Variants in LPCAT2 observed in about 807,000 individuals in gnomAD.
The protein encoded by LPCAT2 is lysophosphatidylcholine acyltransferase 2.
A neutral mutation model predicts 64.7 loss-of-function variants in LPCAT2; 58 were observed. That is an observed-to-expected ratio of 0.90 (90% CI 0.73 to 1.12). The LOEUF is 1.12. Among genes scored for constraint, LPCAT2 ranks in the 50% most tolerant of loss-of-function variants. The probability of loss-of-function intolerance (pLI) is 0.00; values close to 1 mark genes in which losing one functional copy is unlikely to be tolerated. For missense variants in LPCAT2, 579 were observed against 669.8 expected (o/e 0.86, Z 1.50); for synonymous variants, 252 against 245.3 (o/e 1.03, Z -0.26).
At chr16:55,578,330 A>C (rs1963850946) in intron 12 of LPCAT2, among the ~76,000 whole-genome samples, 1 of 152,190 alleles carries the variant, frequency 6.6e-6, no homozygotes, top group Admixed American at 6.6e-5. Flanking sequence ...ATTCAAATTT[A>C]ACCTATCTAG....
At chr16:55,571,607 G>A (rs1225703614) in intron 11 of LPCAT2, among the ~76,000 whole-genome samples, 3 of 152,122 alleles carry the variant, frequency 2.0e-5, no homozygotes, top group Non-Finnish European at 2.9e-5. Flanking sequence ...ATGTGGCCCT[G>A]AAATATCTTC....
intron 8 of LPCAT2, among the ~76,000 whole-genome samples, chr16:55,542,222 G>T (rs1455192500): frequency 1.3e-5 from 2 of 152,080 alleles, no homozygotes; most frequent in East Asian, 1.9e-4. Context: ...GGAAGTGGGG[G>T]ACTCTGGGAC....
At position 55,509,342 on chromosome 16, in the gene LPCAT2, G is replaced by A; in HGVS notation, c.161G>A (p.Arg54Lys). ...CAGCAGACGCAGATCGGCTCCGCGA[G>A]GCGGGTCCAGGTGAGGGGCGTGGGT... ...FVQQTQIGSA[R>K]RVQIVLLGII... is the part of the protein sequence containing the mutation. The change falls in exon 1 of 14, where the codon AGG becomes AAG. Residue 54 changes from arginine (R) to lysine (K), a missense_variant. Physicochemically the swap from Arg to Lys is conservative, Grantham distance 26. Coordinates refer to ENST00000262134, the MANE Select transcript of LPCAT2 (RefSeq NM_017839.5). 6.9e-7 allele frequency: 1 copy of A among 1,445,474 alleles called. No homozygotes were observed. Among genetic ancestry groups the A allele is most frequent in the South Asian group, 1.5e-5 (1 of 67,948 alleles). The allele number at this position is 1,445,474 out of a possible 1,614,324, so 89.5% of individuals were successfully genotyped here.
chr16:55,549,524 A>C (rs1299461332), intron 10 of LPCAT2, 122 bp downstream of exon 10: 6 of 978,750 alleles, frequency 6.1e-6, no homozygotes, highest in Non-Finnish European at 8.7e-6. Flanking sequence ...TATATTAGGA[A>C]AGTCAGAGTT....
intron 11 of LPCAT2, among the ~76,000 whole-genome samples, chr16:55,574,256 T>G (rs1458635063): frequency 1.3e-5 from 2 of 152,150 alleles, no homozygotes; most frequent in African/African-American, 4.8e-5. Flanking sequence ...GGTGTTGGTC[T>G]TTATGGCAGG....
chr16:55,525,712 T>A (rs1266884413), intron 2 of LPCAT2, 65 bp downstream of exon 2: 2 of 1,246,916 alleles, frequency 1.6e-6, no homozygotes, highest in African/African-American at 1.6e-5. Flanking sequence ...TAAATCAATA[T>A]AAGAAGAGTT....
intron 1 of LPCAT2, among the ~76,000 whole-genome samples, chr16:55,516,862 A>G (rs1963019792): frequency 6.6e-6 from 1 of 152,234 alleles, no homozygotes; most frequent in Non-Finnish European, 1.5e-5. Context: ...AACATTTGCC[A>G]AGGTAGGTCT....
rs558305126 is a variant in LPCAT2, at chr16:55,543,875, G to A, written c.853-1860G>A. Among the ~76,000 whole-genome samples the A allele has an allele frequency of 9.2e-5, 14 of 152,342 alleles. No individual in the cohort carries two copies. The South Asian group carries it at 2.7e-3, about 29-fold the overall frequency. On this transcript the variant is annotated intron_variant, in intron 8 of 13. Coordinates refer to ENST00000262134, the MANE Select transcript of LPCAT2 (RefSeq NM_017839.5). ...ACCCAGTCCAAGAACACTTTCTGCA[G>A]CTTGCAGCTGCCCCCTTAGAGAGGA...
At chr16:55,571,614 C>T (rs1279158206) in intron 11 of LPCAT2, among the ~76,000 whole-genome samples, 1 of 152,122 alleles carries the variant, frequency 6.6e-6, no homozygotes, top group Non-Finnish European at 1.5e-5. Flanking sequence ...CCTGAAATAT[C>T]TTCAAGTCTG....
intron 11 of LPCAT2, among the ~76,000 whole-genome samples, chr16:55,559,878 A>G (rs1266131490): frequency 1.3e-5 from 2 of 151,630 alleles, no homozygotes; most frequent in African/African-American, 4.8e-5. Flanking sequence ...GTATTTCCCT[A>G]TTCAATTCTC....
At chr16:55,525,794 T>C in intron 2 of LPCAT2, 147 bp downstream of exon 2, 1 of 455,840 alleles carries the variant, frequency 2.2e-6, no homozygotes, top group Non-Finnish European at 3.6e-6. Context: ...ATAATAAATT[T>C]TACAGTTTTA....
In LPCAT2 at chr16:55,532,999, G is replaced by A; in HGVS notation, c.762+117G>A. The A allele has an allele frequency of 3.9e-6, 3 of 773,342 alleles. No homozygotes were observed. In the South Asian group the frequency reaches 6.1e-5, roughly 16 times the overall value. 47.9% of individuals were successfully genotyped at this position (773,342 alleles called of 1,614,324 possible). On this transcript the variant is annotated intron_variant, in intron 6 of 13. Coordinates refer to ENST00000262134, the MANE Select transcript of LPCAT2 (RefSeq NM_017839.5). ...AACAGATAAATGGTGGAAGCAAATG[G>A]GAGAGCTCATTCTGCTCGCCACATC...
chr16:55,578,245 C>G (rs1963849827), intron 12 of LPCAT2, among the ~76,000 whole-genome samples: 1 of 152,116 alleles, frequency 6.6e-6, no homozygotes, highest in South Asian at 2.1e-4. Flanking sequence ...CCATTCTTAC[C>G]CAAATTCGTA....
chr16:55,541,810 A>G (rs986327047), intron 8 of LPCAT2: 57 of 1,244,462 alleles, frequency 4.6e-5, no homozygotes, highest in Admixed American at 1.4e-4. Flanking sequence ...TTCAATAAGC[A>G]CTAACTTTTA....
At chr16:55,542,506 T>C (rs769786639) in intron 8 of LPCAT2, among the ~76,000 whole-genome samples, 2 of 152,090 alleles carry the variant, frequency 1.3e-5, no homozygotes, top group Non-Finnish European at 2.9e-5. Context: ...ATGGAACATA[T>C]GTAACATTTT....
intron 2 of LPCAT2, among the ~76,000 whole-genome samples, chr16:55,526,237 A>G (rs1305584673): frequency 6.6e-6 from 1 of 152,184 alleles, no homozygotes; most frequent in East Asian, 1.9e-4. Flanking sequence ...TAAGATGGTA[A>G]TAGAGGAGAA....
Position 55,568,431 on chromosome 16 carries a change from A to C in LPCAT2, c.1216-6200A>C, listed in dbSNP as rs544026852. On this transcript the variant is annotated intron_variant, in intron 11 of 13. Transcript: ENST00000262134. ...CAAACAAAGAAAAACAAAAAAAGAA[A>C]AACACATGAACAGTAATCAGTTAAA... 1.8e-4 allele frequency among the ~76,000 whole-genome samples: 27 copies of C among 152,344 alleles called. No individual in the cohort carries two copies. In the South Asian group the frequency reaches 5.2e-3, roughly 29 times the overall value.
At chr16:55,547,111 T>C (rs1218259271) in intron 9 of LPCAT2, among the ~76,000 whole-genome samples, 1 of 151,670 alleles carries the variant, frequency 6.6e-6, no homozygotes, top group African/African-American at 2.4e-5. Flanking sequence ...TTCATGCCAC[T>C]GCACTCCAGC....
chr16:55,514,344 G>A (rs1364490197), intron 1 of LPCAT2, among the ~76,000 whole-genome samples: 1 of 152,176 alleles, frequency 6.6e-6, no homozygotes, highest in Non-Finnish European at 1.5e-5. Flanking sequence ...GGCTAAGGCA[G>A]AGTTGTCATC....
Sources: gnomAD v4.1 joint callset for allele counts (sites outside exome capture counted in the v4.1 genomes callset) on GRCh38, gnomAD v4.1.1 for gene constraint, MANE v1.5 for transcripts, NCBI Gene and HGNC (gene_info 2026-07-23, HGNC 2026-07-21) for gene names.